The following TOP1 variants were observed in gnomAD, a reference collection of about 807,000 sequenced individuals.
The protein encoded by TOP1 is DNA topoisomerase 1.
Under a neutral mutation model 111.1 loss-of-function variants are expected in TOP1, and 10 were observed. That is an observed-to-expected ratio of 0.09 (90% CI 0.06 to 0.15). TOP1 has a LOEUF of 0.15. TOP1 is among the 10% of genes least tolerant of loss of function. TOP1 has a pLI of 1.00. For synonymous variants in TOP1, 271 were observed against 302.9 expected, an observed-to-expected ratio of 0.89 and a Z score of 1.10; for missense variants, 474 against 926.7, an observed-to-expected ratio of 0.51 and a Z score of 6.34.
At chr20:41,088,830 AT>A (rs1468818874) in intron 8 of TOP1, among the ~76,000 whole-genome samples, 5 of 152,004 alleles carry the variant, frequency 3.3e-5, no homozygotes, top group African/African-American at 1.2e-4. Flanking sequence ...TCTGTTAAAT[AT>A]TTTTGTTTAA....
intron 2 of TOP1, among the ~76,000 whole-genome samples, chr20:41,045,883 T>C (rs911675936): frequency 6.6e-6 from 1 of 152,188 alleles, no homozygotes; most frequent in Non-Finnish European, 1.5e-5. Context: ...ATCTTCTCAC[T>C]TGCACGCTCA....
In TOP1 at chr20:41,100,306, G is replaced by A; in HGVS notation, c.1163+63G>A. 1 of 1,404,162 alleles carries A rather than the reference G, an allele frequency of 7.1e-7. No homozygotes were observed. Among genetic ancestry groups the A allele is most frequent in the Non-Finnish European group, 9.8e-7 (1 of 1,016,562 alleles). The allele number at this position is 1,404,162 out of a possible 1,614,324, so 87.0% of individuals were successfully genotyped here. A position where few individuals can be genotyped will look rare whatever the true frequency, so the allele number is the denominator to read the frequency against. ...TGGAGGGCGTCCTTTATTGTACTTG[G>A]GAATATTTCCCAGGTTACACAGGAC... On this transcript the variant is annotated intron_variant, in intron 12 of 20. Transcript: ENST00000361337. This position sits in a 1 kb window ranked among gnomAD's most constrained non-coding sequence, Gnocchi z 4.4.
chr20:41,087,624 T>A (rs1367944465), intron 8 of TOP1, among the ~76,000 whole-genome samples: 1 of 152,218 alleles, frequency 6.6e-6, no homozygotes, highest in Non-Finnish European at 1.5e-5. Flanking sequence ...ATTATTGACA[T>A]TTTGCTCAAA....
At chr20:41,108,584 A>G (rs896706545) in intron 13 of TOP1, among the ~76,000 whole-genome samples, 1 of 152,184 alleles carries the variant, frequency 6.6e-6, no homozygotes, top group Admixed American at 6.5e-5. Context: ...TCCTGAACTC[A>G]TTCATATCTT....
At chr20:41,072,048 A>G (rs2033675016) in intron 3 of TOP1, among the ~76,000 whole-genome samples, 1 of 152,114 alleles carries the variant, frequency 6.6e-6, no homozygotes, top group South Asian at 2.1e-4. Flanking sequence ...CCTTTCTTCT[A>G]CTCTTAGAAG....
At chr20:41,051,434 AT>A (rs2033404455) in intron 2 of TOP1, among the ~76,000 whole-genome samples, 1 of 152,218 alleles carries the variant, frequency 6.6e-6, no homozygotes, top group Non-Finnish European at 1.5e-5. Context: ...GGAATAGTTG[AT>A]AAAACAGTCA....
At position 41,123,054 on chromosome 20, in the gene TOP1, T is replaced by C. The variant is rs765146376; in HGVS notation, c.2196-141T>C. 6.5e-6 allele frequency: 4 copies of C among 612,114 alleles called. No homozygotes were observed. Among genetic ancestry groups the C allele is most frequent in the Non-Finnish European group, 1.2e-5 (4 of 339,136 alleles). The allele number at this position is 612,114 out of a possible 1,614,324, so 37.9% of individuals were successfully genotyped here. ...AAATGAGTTGATCACATAAAACCTT[T>C]AGAACATGCTTGGTGCACTATTAAT... On this transcript the variant is annotated intron_variant, in intron 20 of 20. Coordinates refer to ENST00000361337, the MANE Select transcript of TOP1 (RefSeq NM_003286.4). This position sits in a 1 kb window ranked among gnomAD's most constrained non-coding sequence, Gnocchi z 5.8.
At chr20:41,038,223 G>A (rs201834151) in intron 2 of TOP1, among the ~76,000 whole-genome samples, 1 of 152,084 alleles carries the variant, frequency 6.6e-6, no homozygotes, top group African/African-American at 2.4e-5. Flanking sequence ...ATTTAAATTC[G>A]AGTTCTTGAG....
intron 7 of TOP1, among the ~76,000 whole-genome samples, chr20:41,084,070 C>T (rs754451569): frequency 1.3e-5 from 2 of 152,080 alleles, no homozygotes; most frequent in East Asian, 3.9e-4. Context: ...TGCAAAGCCC[C>T]GTCTAGCCGT....
intron 3 of TOP1, chr20:41,072,173 C>T (rs887398001): frequency 3.3e-6 from 3 of 910,342 alleles, no homozygotes; most frequent in Non-Finnish European, 3.9e-6. Context: ...ATCTGTTTTT[C>T]AGCCTCTAAC....
intron 2 of TOP1, among the ~76,000 whole-genome samples, chr20:41,048,775 T>C (rs2033365590): frequency 1.3e-5 from 2 of 152,350 alleles, no homozygotes; most frequent in South Asian, 2.1e-4. Context: ...GTCCTATCAC[T>C]GAAGTCTGAA....
At chr20:41,052,379 T>A (rs746198292) in intron 2 of TOP1, among the ~76,000 whole-genome samples, 21 of 152,240 alleles carry the variant, frequency 1.4e-4, no homozygotes, top group Non-Finnish European at 1.5e-4. Context: ...CAGACTTGGT[T>A]ATTTCTTCCC....
At chr20:41,070,058 T>A (rs1026339122) in intron 3 of TOP1, among the ~76,000 whole-genome samples, 1 of 152,204 alleles carries the variant, frequency 6.6e-6, no homozygotes, top group Non-Finnish European at 1.5e-5. Context: ...ACTTGTTACT[T>A]ACACTAACTA....
intron 13 of TOP1, among the ~76,000 whole-genome samples, chr20:41,107,866 C>G (rs2034172327): frequency 6.6e-6 from 1 of 152,084 alleles, no homozygotes; most frequent in Admixed American, 6.5e-5. Context: ...GTCTCTTAGC[C>G]CAGCTCAGCC....
intron 7 of TOP1, 94 bp downstream of exon 7, chr20:41,081,334 T>C: frequency 1.4e-6 from 2 of 1,415,772 alleles, no homozygotes; most frequent in Non-Finnish European, 1.9e-6. Flanking sequence ...TTTAGATATT[T>C]ATTGGCTTGT....
intron 8 of TOP1, among the ~76,000 whole-genome samples, chr20:41,084,817 A>G (rs1018642995): frequency 2.6e-5 from 4 of 152,220 alleles, no homozygotes; most frequent in African/African-American, 9.6e-5. Context: ...AGACCTATGT[A>G]TAGGTGGGAA....
At position 41,114,228 on chromosome 20, in the gene TOP1, G is replaced by A. The variant is rs1274677972; in HGVS notation, c.1638+73G>A. 3 of 1,401,070 alleles carry A rather than the reference G, an allele frequency of 2.1e-6. No individual in the cohort carries two copies. Among genetic ancestry groups the A allele is most frequent in the Admixed American group, 1.9e-5 (1 of 53,792 alleles). 86.8% of individuals were successfully genotyped at this position (1,401,070 alleles called of 1,614,324 possible). On this transcript the variant is annotated intron_variant, in intron 15 of 20. Coordinates refer to ENST00000361337, the MANE Select transcript of TOP1 (RefSeq NM_003286.4). The surrounding 1 kb of genome is among the most constrained non-coding windows in gnomAD (Gnocchi z 4.5). ...AAGCATGGGTTGACTGCTTTTTTGT[G>A]TGCTTTGCACTTTGCTGGGCACCAG... is the stretch of plus-strand genomic sequence containing the variant.
chr20:41,029,293 A>G lies in TOP1; in HGVS notation c.34-138A>G. On this transcript the variant is annotated intron_variant, in intron 1 of 20. Coordinates refer to ENST00000361337, the MANE Select transcript of TOP1 (RefSeq NM_003286.4). This position sits in a 1 kb window ranked among gnomAD's most constrained non-coding sequence, Gnocchi z 6.1. Reference sequence around the variant, plus strand: ...CGCGAAGTTACAGTTCGAGGCAGGGATGGCTGCCCTCTGTGGCCACCCCCG... The same window carrying G: ...CGCGAAGTTACAGTTCGAGGCAGGGGTGGCTGCCCTCTGTGGCCACCCCCG... 2 of 819,728 alleles carry G rather than the reference A, an allele frequency of 2.4e-6. No individual in the cohort carries two copies. Among genetic ancestry groups the G allele is most frequent in the Non-Finnish European group, 3.6e-6 (2 of 562,186 alleles). 50.8% of individuals were successfully genotyped at this position (819,728 alleles called of 1,614,324 possible).
intron 2 of TOP1, among the ~76,000 whole-genome samples, chr20:41,039,861 T>G (rs1469379261): frequency 2.6e-5 from 4 of 151,982 alleles, no homozygotes; most frequent in Admixed American, 2.6e-4. Context: ...GAGCCGAGAT[T>G]GCGCCACTGC....
Sources: allele counts gnomAD v4.1 joint callset (sites outside exome capture counted in the v4.1 genomes callset), GRCh38; gene constraint gnomAD v4.1.1; non-coding constraint Gnocchi (gnomAD v3.1); transcripts MANE v1.5; gene names NCBI Gene and HGNC (gene_info 2026-07-23, HGNC 2026-07-21).